SEMA3D: variants seen among roughly 807,000 people sequenced by gnomAD.
The protein encoded by SEMA3D is semaphorin 3D, also known as semaphorin-3D.
A neutral mutation model predicts 100.1 loss-of-function variants in SEMA3D; 84 were observed. The observed-to-expected ratio is 0.84, with a 90% CI of 0.70 to 1.01. The LOEUF is 1.01. SEMA3D is among the 50% of genes least tolerant of loss of function. The pLI is 0.00. For missense variants in SEMA3D, 875 were observed against 934.1 expected (o/e 0.94, Z 0.82); for synonymous variants, 312 against 320.7 (o/e 0.97, Z 0.29).
chr7:85,172,300 C>T (rs1458279976), intron 1 of SEMA3D, among the ~76,000 whole-genome samples: 2 of 151,360 alleles, frequency 1.3e-5, no homozygotes, highest in African/African-American at 2.4e-5. Context: ...TGATGAGGAC[C>T]CAAAAGCAAA....
At chr7:85,230,805 T>TA in the SEMA3D span, among the ~76,000 whole-genome samples, 1 of 152,216 alleles carries the variant, frequency 6.6e-6, no homozygotes, top group African/African-American at 2.4e-5. Context: ...ATGCAACCGT[T>TA]AAACTAGTCT....
At chr7:85,163,461 A>G (rs1034055965) in intron 1 of SEMA3D, among the ~76,000 whole-genome samples, 4 of 150,680 alleles carry the variant, frequency 2.7e-5, no homozygotes, top group Non-Finnish European at 5.9e-5. Context: ...TGGAATCTGG[A>G]AAAAAAAAGG....
chr7:85,149,933 T>C (rs140289811), intron 2 of SEMA3D, among the ~76,000 whole-genome samples: 2,496 of 152,248 alleles, frequency 0.016, 28 homozygotes, highest in Non-Finnish European at 0.026. Context: ...TTCTTAATTT[T>C]AACATTCAAG....
chr7:85,193,889 C>T, the SEMA3D span, among the ~76,000 whole-genome samples: 2 of 140,398 alleles, frequency 1.4e-5, no homozygotes, highest in South Asian at 2.2e-4. Flanking sequence ...AAAAAAAAAA[C>T]GCAGTTTAAA....
chr7:85,104,973 A>G (rs1788868692), intron 3 of SEMA3D, among the ~76,000 whole-genome samples: 1 of 152,006 alleles, frequency 6.6e-6, no homozygotes, highest in Non-Finnish European at 1.5e-5. Context: ...TCCAGATCAA[A>G]ATACAGTCAC....
At chr7:85,184,497 T>C (rs558069684) in intron 1 of SEMA3D, among the ~76,000 whole-genome samples, 14 of 152,238 alleles carry the variant, frequency 9.2e-5, no homozygotes, top group Non-Finnish European at 1.6e-4. Context: ...CTTTGTTTTT[T>C]TTTTCTTTTC....
intron 3 of SEMA3D, among the ~76,000 whole-genome samples, chr7:85,102,481 T>C (rs1424757601): frequency 1.3e-5 from 2 of 151,988 alleles, no homozygotes; most frequent in Admixed American, 6.6e-5. Flanking sequence ...ATAGGGACTA[T>C]GTTGGGTGGA....
rs1790713404 is a variant in SEMA3D at position 85,036,920 on chromosome 7, T to C, written c.1160A>G (p.Asp387Gly). Reference protein sequence around the residue: ...ESADHRWVQYDGRIPYPRPGT... With the variant: ...ESADHRWVQYGGRIPYPRPGT... Reference sequence around the variant, plus strand: ...AGGCCGTGGATAAGGAATTCTCCCATCATACTGCACCCAACGATGGTCTGC... The same window carrying C: ...AGGCCGTGGATAAGGAATTCTCCCACCATACTGCACCCAACGATGGTCTGC... Residue 387 changes from aspartate to glycine, a missense_variant, in exon 12 of 19, where the codon GAT becomes GGT. Transcript: ENST00000284136. 1.2e-6 allele frequency: 2 copies of C among 1,613,210 alleles called. No homozygotes were observed. The highest frequency in any genetic ancestry group is 1.7e-6 in the Non-Finnish European group (2 of 1,179,460).
At chr7:85,182,228 A>G (rs1464855221) in intron 1 of SEMA3D, among the ~76,000 whole-genome samples, 2 of 152,092 alleles carry the variant, frequency 1.3e-5, no homozygotes, top group African/African-American at 4.8e-5. Context: ...GTATTCTTAT[A>G]TACTCTATCT....
At chr7:85,164,268 C>T (rs937286130) in intron 1 of SEMA3D, among the ~76,000 whole-genome samples, 29 of 152,164 alleles carry the variant, frequency 1.9e-4, no homozygotes, top group Admixed American at 8.5e-4. Context: ...AATGATACCA[C>T]CTATCACGGA....
intron 9 of SEMA3D, among the ~76,000 whole-genome samples, chr7:85,052,368 C>G (rs1281141753): frequency 6.6e-6 from 1 of 151,914 alleles, no homozygotes; most frequent in Non-Finnish European, 1.5e-5. Flanking sequence ...AACCAACTTA[C>G]CACTCTAATC....
intron 2 of SEMA3D, among the ~76,000 whole-genome samples, chr7:85,131,110 A>G (rs1316297686): frequency 6.6e-6 from 1 of 152,114 alleles, no homozygotes; most frequent in Non-Finnish European, 1.5e-5. Context: ...TTAATTTTCT[A>G]TTAAAACTCG....
At chr7:85,215,761 A>G in the SEMA3D span, among the ~76,000 whole-genome samples, 6 of 152,140 alleles carry the variant, frequency 3.9e-5, no homozygotes, top group African/African-American at 1.4e-4. Context: ...TTTATGAAAA[A>G]CATATATTTT....
At chr7:85,104,858 C>A (rs1364296606) in intron 3 of SEMA3D, among the ~76,000 whole-genome samples, 1 of 151,912 alleles carries the variant, frequency 6.6e-6, no homozygotes, top group Non-Finnish European at 1.5e-5. Flanking sequence ...GACAGAAATT[C>A]ATGGGGCTAA....
At chr7:85,100,400 A>G (rs920831338) in intron 3 of SEMA3D, among the ~76,000 whole-genome samples, 2 of 151,502 alleles carry the variant, frequency 1.3e-5, no homozygotes, top group African/African-American at 4.8e-5. Flanking sequence ...AAGTTATCCA[A>G]ATCCTTTCAC....
intron 2 of SEMA3D, among the ~76,000 whole-genome samples, chr7:85,127,590 A>G (rs886410091): frequency 1.3e-5 from 2 of 152,172 alleles, no homozygotes; most frequent in African/African-American, 4.8e-5. Context: ...GTCCCAAAGA[A>G]ACAAAGTGCC....
chr7:85,062,802 A>G (rs939067074), intron 8 of SEMA3D, among the ~76,000 whole-genome samples: 2 of 152,228 alleles, frequency 1.3e-5, no homozygotes, highest in African/African-American at 4.8e-5. Context: ...GAGGCCACTT[A>G]GTTACAGGAA....
chr7:85,013,410 T>C (rs1282243363), intron 16 of SEMA3D, among the ~76,000 whole-genome samples: 1 of 151,746 alleles, frequency 6.6e-6, no homozygotes, highest in Non-Finnish European at 1.5e-5. Flanking sequence ...GATGAGTAGC[T>C]CAAATTGTTT....
At chr7:85,010,599 T>C (rs2115773132) in intron 17 of SEMA3D, among the ~76,000 whole-genome samples, 1 of 151,884 alleles carries the variant, frequency 6.6e-6, no homozygotes, top group Middle Eastern at 3.4e-3. Context: ...AAGAAAATAA[T>C]ATAAAAGTGA....
Sources: allele counts gnomAD v4.1 joint callset (sites outside exome capture counted in the v4.1 genomes callset), GRCh38; gene constraint gnomAD v4.1.1; transcripts MANE v1.5; gene names NCBI Gene and HGNC (gene_info 2026-07-23, HGNC 2026-07-21).